The following WFS1 variants were observed in gnomAD, a reference collection of about 807,000 sequenced individuals.
WFS1 encodes the protein wolframin.
WFS1 carries 90 observed loss-of-function variants against 68.5 expected under a neutral mutation model. That is an observed-to-expected ratio of 1.31 (90% confidence interval 1.11 to 1.56). The LOEUF is 1.56. Ranked by LOEUF, WFS1 falls within the 40% of genes most tolerant of loss-of-function variation. WFS1 has a pLI of 0.00. For missense variants in WFS1, 1,767 were observed against 1,232.6 expected, an observed-to-expected ratio of 1.43 and a Z score of -6.49; for synonymous variants, 860 against 540.7, an observed-to-expected ratio of 1.59 and a Z score of -8.19.
intron 7 of WFS1, among the ~76,000 whole-genome samples, chr4:6,300,158 G>T (rs1050042497): frequency 1.3e-5 from 2 of 152,138 alleles, no homozygotes; most frequent in Non-Finnish European, 2.9e-5. Flanking sequence ...CACCCCTCCG[G>T]GGACTGCCTG....
At position 6,302,469 on chromosome 4, in the gene WFS1, G is replaced by A. The variant is rs779376739; in HGVS notation, c.*1G>A. The A allele has an allele frequency of 6.2e-7, 1 of 1,612,620 alleles. No individual in the cohort carries two copies. Among genetic ancestry groups the A allele is most frequent in the South Asian group, 1.1e-5 (1 of 91,088 alleles). On this transcript the variant is annotated 3_prime_UTR_variant, in exon 8 of 8. Coordinates refer to ENST00000226760, the MANE Select transcript of WFS1 (RefSeq NM_006005.3). ...CTTCCCATTCCTGTCGGCGGCCTGA[G>A]GATGGTCCGCCACGAGGAGCTTCCA...
rs1399190333 is a variant in WFS1 at position 6,283,907 on chromosome 4, G to A, written c.233-3186G>A. On this transcript the variant is annotated intron_variant, in intron 2 of 7. Transcript: ENST00000226760. This position sits in a 1 kb window ranked among gnomAD's most constrained non-coding sequence, Gnocchi z 5.0. Reference sequence around the variant, plus strand: ...ATGGTTCTTGGTGGTCCACACTGATGCAGCCGGCTTCTGGGGGTGATCTTT... The same window carrying A: ...ATGGTTCTTGGTGGTCCACACTGATACAGCCGGCTTCTGGGGGTGATCTTT... 1.3e-5 allele frequency among the ~76,000 whole-genome samples: 2 copies of A among 152,088 alleles called. No homozygotes were observed. The highest frequency in any genetic ancestry group is 6.6e-5 in the Admixed American group (1 of 15,266).
rs762339922 is a variant in WFS1 at position 6,301,115 on chromosome 4, C to T, written c.1320C>T (p.Thr440=). ...TGGCTGTCATCACCGGCTTCTTTAC[C>T]GTGACCAGCTACCTGAGCCTGAGCA... ...SELAVITGFF[T]VTSYLSLSTH... Residue 440 remains threonine, a synonymous_variant, in exon 8 of 8, where the codon ACC becomes ACT. Transcript: ENST00000226760. The T allele has an allele frequency of 6.8e-5, 110 of 1,613,598 alleles. No individual in the cohort carries two copies. The highest frequency in any genetic ancestry group is 1.9e-4 in the South Asian group (17 of 91,080).
At position 6,287,025 on chromosome 4, in the gene WFS1, C is replaced by T. The variant is rs1730329447; in HGVS notation, c.233-68C>T. The T allele has an allele frequency of 7.1e-7, 1 of 1,404,048 alleles. No individual in the cohort carries two copies. Among genetic ancestry groups the T allele is most frequent in the African/African-American group, 1.4e-5 (1 of 70,018 alleles). 87.0% of individuals were successfully genotyped at this position (1,404,048 alleles called of 1,614,324 possible). A position where few individuals can be genotyped will look rare whatever the true frequency, so the allele number is the denominator to read the frequency against. ...AGATCTGAAGACCCTCATGCCTTGT[C>T]CCCTCCATCCTGACAAGTGACAAAG... On this transcript the variant is annotated intron_variant, in intron 2 of 7. Transcript: ENST00000226760. This position sits in a 1 kb window ranked among gnomAD's most constrained non-coding sequence, Gnocchi z 6.4.
intron 1 of WFS1, among the ~76,000 whole-genome samples, chr4:6,275,465 C>T (rs1334374443): frequency 6.6e-6 from 1 of 152,096 alleles, no homozygotes; most frequent in Non-Finnish European, 1.5e-5. Flanking sequence ...GGTGCCAGTT[C>T]CCGGGAGCTG....
chr4:6,297,287 C>A (rs79408528), intron 7 of WFS1, among the ~76,000 whole-genome samples: 1 of 152,162 alleles, frequency 6.6e-6, no homozygotes, highest in Non-Finnish European at 1.5e-5. Flanking sequence ...TCGTCACAAG[C>A]GTCTCCCAGG....
chr4:6,289,016 C>T lies in WFS1; in HGVS notation c.345C>T (p.Gly115=), dbSNP rs200385504. The change falls in exon 4 of 8, where the codon GGC becomes GGT. Residue 115 remains glycine (G), a synonymous_variant. Transcript: ENST00000226760. The part of the protein sequence containing the change: ...EVGKHYLQLA[G]DTDEELNSCT... Reference sequence around the variant, plus strand: ...GGAAGCACTACCTGCAGTTGGCCGGCGACACGGATGAAGAACTCAACAGCT... The same window carrying T: ...GGAAGCACTACCTGCAGTTGGCCGGTGACACGGATGAAGAACTCAACAGCT... The T allele has an allele frequency of 5.5e-5, 89 of 1,608,274 alleles. No homozygotes were observed. The highest frequency in any genetic ancestry group is 6.6e-5 in the Non-Finnish European group (78 of 1,177,738).
rs140286718 is a variant in WFS1 at position 6,301,976 on chromosome 4, C to T, written c.2181C>T (p.Ile727=). Residue 727 remains isoleucine, a synonymous_variant, in exon 8 of 8, where the codon ATC becomes ATT. Transcript: ENST00000226760. ...ESAINMLPFF[I]GDWMRCLYGE... is the part of the protein sequence containing the mutation. Reference sequence around the variant, plus strand: ...CCATCAACATGCTCCCGTTCTTCATCGGCGACTGGATGCGCTGCCTCTACG... The same window carrying T: ...CCATCAACATGCTCCCGTTCTTCATTGGCGACTGGATGCGCTGCCTCTACG... The T allele has an allele frequency of 2.4e-5, 38 of 1,612,728 alleles. No individual in the cohort carries two copies. Among genetic ancestry groups the T allele is most frequent in the African/African-American group, 2.1e-4 (16 of 75,054 alleles).
chr4:6,290,818 G>C (rs1030333918), intron 4 of WFS1, among the ~76,000 whole-genome samples: 1 of 152,232 alleles, frequency 6.6e-6, no homozygotes, highest in Admixed American at 6.5e-5. Flanking sequence ...GGTGACTGCA[G>C]TGAGTCCACC....
chr4:6,291,734 A>G lies in WFS1; in HGVS notation c.632-183A>G, dbSNP rs1400346710. ...CGCTACGTGGTGCTGAGTCCACCCC[A>G]GCTACTGGAGGTACAGAGGTGTGGC... is the stretch of plus-strand genomic sequence containing the variant. On this transcript the variant is annotated intron_variant, in intron 5 of 7. Coordinates refer to ENST00000226760, the MANE Select transcript of WFS1 (RefSeq NM_006005.3). 5.3e-5 allele frequency among the ~76,000 whole-genome samples: 8 copies of G among 152,272 alleles called. No homozygotes were observed. In the East Asian group the frequency reaches 9.7e-4, roughly 18 times the overall value.
Position 6,291,941 on chromosome 4 carries a change from T to C in WFS1, c.656T>C (p.Val219Ala), listed in dbSNP as rs373662682. 1.1e-5 allele frequency: 17 copies of C among 1,611,226 alleles called. No homozygotes were observed. In the African/African-American group the frequency reaches 1.7e-4, roughly 16 times the overall value. The change falls in exon 6 of 8, where the codon GTG (valine) becomes GCG (alanine). Residue 219 changes from valine to alanine, a missense_variant. Val to Ala is a moderately conservative substitution (Grantham distance 64). Transcript: ENST00000226760. ...GATGGAGGGGCGCAGCCAGGCCCCG[T>C]GCCCAAGTCCCTGCAGAAGCAGAGG... The part of the protein sequence containing the change: ...EHDGGAQPGP[V>A]PKSLQKQRRM...
At chr4:6,298,797 G>C (rs530698367) in intron 7 of WFS1, among the ~76,000 whole-genome samples, 1 of 152,344 alleles carries the variant, frequency 6.6e-6, no homozygotes, top group African/African-American at 2.4e-5. Flanking sequence ...CCACATTCTG[G>C]TGTTGTCACC....
Position 6,295,078 on chromosome 4 carries a change from C to G in WFS1, c.750C>G (p.Ile250Met). ...TCGCGCTGGATGACTTTGTGGAGAT[C>G]ACTAAGAAGTACGCCAAGGGCGTCA... ...NYIALDDFVE[I>M]TKKYAKGVIP... is the part of the protein sequence containing the mutation. The change falls in exon 7 of 8, where the codon ATC (isoleucine) becomes ATG (methionine). Residue 250 changes from isoleucine to methionine, a missense_variant. By Grantham distance (10) the Ile-to-Met change is conservative (BLOSUM62 1). Coordinates refer to ENST00000226760, the MANE Select transcript of WFS1 (RefSeq NM_006005.3). 1.2e-6 allele frequency: 2 copies of G among 1,613,602 alleles called. No individual in the cohort carries two copies. Among genetic ancestry groups the G allele is most frequent in the Non-Finnish European group, 1.7e-6 (2 of 1,180,032 alleles).
chr4:6,292,949 G>A (rs78596353), intron 6 of WFS1, among the ~76,000 whole-genome samples: 2,966 of 152,314 alleles, frequency 0.019, 81 homozygotes, highest in African/African-American at 0.062. Context: ...CAGAGCCCTC[G>A]CCTCTGCGTG....
chr4:6,276,905 G>T (rs560315197), intron 1 of WFS1, among the ~76,000 whole-genome samples: 1 of 152,194 alleles, frequency 6.6e-6, no homozygotes, highest in Admixed American at 6.5e-5. Flanking sequence ...ACCCGTCTCC[G>T]CATGGCTCTG....
intron 7 of WFS1, 130 bp downstream of exon 7, chr4:6,295,319 C>A: frequency 1.8e-6 from 2 of 1,112,618 alleles, no homozygotes; most frequent in Non-Finnish European, 2.6e-6. Flanking sequence ...ACAGCCGTGC[C>A]GCTGGTACCT....
chr4:6,285,199 A>AGAGTTACGTCCAGGGC (rs1730279817), intron 2 of WFS1, among the ~76,000 whole-genome samples: 1 of 151,558 alleles, frequency 6.6e-6, no homozygotes, highest in Non-Finnish European at 1.5e-5. Flanking sequence ...ACGTCCAGGG[A>AGAGTTACGTCCAGGGC]GAGGGGCGTC....
chr4:6,297,923 C>T (rs1578603734), intron 7 of WFS1, among the ~76,000 whole-genome samples: 1 of 152,066 alleles, frequency 6.6e-6, no homozygotes, highest in African/African-American at 2.4e-5. Flanking sequence ...GGTGGGGGAC[C>T]AGCCCCTCCA....
In WFS1 at chr4:6,289,131, G is replaced by A; in HGVS notation, c.460G>A (p.Gly154Ser). Reference protein sequence around the residue: ...LLRRCLADRRGITSENEREVR... With the variant: ...LLRRCLADRRSITSENEREVR... The stretch of plus-strand genomic sequence containing the variant: ...TCGCCGGTGCTTGGCGGACAGAAGA[G>A]GTGGGTCTGTGTGAGGCTTAGAACA... Residue 154 changes from glycine (G) to serine (S), a missense_variant and splice_region_variant, in exon 4 of 8, where the codon GGC (glycine) becomes AGC (serine). By Grantham distance (56) the Gly-to-Ser change is moderately conservative (BLOSUM62 0). Coordinates refer to ENST00000226760, the MANE Select transcript of WFS1 (RefSeq NM_006005.3). The A allele has an allele frequency of 1.9e-6, 3 of 1,575,810 alleles. No individual in the cohort carries two copies. Among genetic ancestry groups the A allele is most frequent in the Non-Finnish European group, 2.6e-6 (3 of 1,161,054 alleles).
Sources: gnomAD v4.1 joint callset for allele counts (sites outside exome capture counted in the v4.1 genomes callset) on GRCh38, gnomAD v4.1.1 for gene constraint, Gnocchi (gnomAD v3.1) non-coding constraint, MANE v1.5 for transcripts, NCBI Gene and HGNC (gene_info 2026-07-23, HGNC 2026-07-21) for gene names.